NEGR1: variants seen among roughly 807,000 people sequenced by gnomAD.
NEGR1 encodes neuronal growth regulator 1, also known as IgLON family member 4.
Under a neutral mutation model 40.9 loss-of-function variants are expected in NEGR1, and 10 were observed. That is an observed-to-expected ratio of 0.24 (90% CI 0.15 to 0.42). NEGR1 has a LOEUF of 0.42. NEGR1 is among the 10% of genes least tolerant of loss of function. NEGR1 has a pLI of 1.00. For missense variants in NEGR1, 352 were observed against 438.9 expected, an observed-to-expected ratio of 0.80 and a Z score of 1.77; for synonymous variants, 185 against 166.8, an observed-to-expected ratio of 1.11 and a Z score of -0.84.
At chr1:71,607,243 C>A (rs1456158323) in intron 5 of NEGR1, among the ~76,000 whole-genome samples, 2 of 152,182 alleles carry the variant, frequency 1.3e-5, no homozygotes, top group East Asian at 3.9e-4. Flanking sequence ...TTCCTCTTGA[C>A]TCCATTTTTC....
chr1:71,982,579 A>T (rs555322568), intron 1 of NEGR1, among the ~76,000 whole-genome samples: 1 of 152,310 alleles, frequency 6.6e-6, no homozygotes, highest in South Asian at 2.1e-4. Context: ...TCCTTCAAAC[A>T]ATTCCACAAT....
intron 3 of NEGR1, among the ~76,000 whole-genome samples, chr1:71,740,154 G>C (rs17091699): frequency 0.019 from 2,922 of 152,198 alleles, 79 homozygotes; most frequent in African/African-American, 0.066. Context: ...CTACAACATA[G>C]CTGTTTATAT....
intron 3 of NEGR1, among the ~76,000 whole-genome samples, chr1:71,761,564 T>C (rs184616651): frequency 2.1e-4 from 32 of 152,270 alleles, no homozygotes; most frequent in African/African-American, 5.8e-4. Flanking sequence ...GTGAAAAACA[T>C]AGAAAATACT....
At chr1:72,177,901 G>A (rs1170799999) in intron 1 of NEGR1, among the ~76,000 whole-genome samples, 4 of 151,880 alleles carry the variant, frequency 2.6e-5, no homozygotes, top group African/African-American at 9.7e-5. Flanking sequence ...CCATTGAGAA[G>A]AGCAGAATGA....
At chr1:71,460,100 T>C (rs969258437) in intron 6 of NEGR1, among the ~76,000 whole-genome samples, 1 of 152,244 alleles carries the variant, frequency 6.6e-6, no homozygotes, top group African/African-American at 2.4e-5. Context: ...ACAGAATTGG[T>C]ATTATAGTAG....
chr1:71,725,977 A>G (rs1225417805), intron 3 of NEGR1, among the ~76,000 whole-genome samples: 10 of 152,158 alleles, frequency 6.6e-5, no homozygotes, highest in East Asian at 1.9e-4. Context: ...CAAAAATGCC[A>G]TCCTCAACAA....
chr1:71,922,088 C>A (rs1436949189), intron 2 of NEGR1, among the ~76,000 whole-genome samples: 1 of 152,090 alleles, frequency 6.6e-6, no homozygotes, highest in African/African-American at 2.4e-5. Flanking sequence ...CTGCCAGAGC[C>A]CACAGGTCAG....
chr1:71,535,092 T>C (rs1347843015), intron 6 of NEGR1, among the ~76,000 whole-genome samples: 1 of 151,664 alleles, frequency 6.6e-6, no homozygotes, highest in African/African-American at 2.4e-5. Flanking sequence ...GAGTATGCAC[T>C]CAAATGAAAA....
intron 6 of NEGR1, chr1:71,468,437 TA>T (rs1437322883): frequency 1.3e-5 from 2 of 152,036 alleles, no homozygotes; most frequent in African/African-American, 4.8e-5. Context: ...CATTAATTAC[TA>T]ATGATGGAGC....
At chr1:71,735,105 T>C (rs963770316) in intron 3 of NEGR1, among the ~76,000 whole-genome samples, 9 of 152,142 alleles carry the variant, frequency 5.9e-5, no homozygotes, top group Non-Finnish European at 1.0e-4. Context: ...ACCAGTTACA[T>C]CAACATGTTC....
intron 1 of NEGR1, among the ~76,000 whole-genome samples, chr1:71,940,294 T>G (rs926090039): frequency 1.3e-5 from 2 of 152,180 alleles, no homozygotes; most frequent in African/African-American, 4.8e-5. Flanking sequence ...CTTTCCTTGA[T>G]AGTGGTTTTT....
intron 1 of NEGR1, among the ~76,000 whole-genome samples, chr1:72,045,584 T>A (rs1039694357): frequency 2.6e-5 from 4 of 151,780 alleles, no homozygotes; most frequent in Admixed American, 1.3e-4. Flanking sequence ...GTGCCATCCA[T>A]ATAAGATGTG....
At chr1:71,705,854 A>G (rs1457525830) in intron 3 of NEGR1, among the ~76,000 whole-genome samples, 1 of 151,918 alleles carries the variant, frequency 6.6e-6, no homozygotes, top group Non-Finnish European at 1.5e-5. Context: ...GAAGGAAGGA[A>G]GAGAGGAAGG....
intron 2 of NEGR1, among the ~76,000 whole-genome samples, chr1:71,898,512 G>T (rs1394098510): frequency 1.3e-5 from 2 of 152,136 alleles, no homozygotes; most frequent in Non-Finnish European, 2.9e-5. Flanking sequence ...CTACTCAGGA[G>T]GCTGAGGCAG....
intron 3 of NEGR1, among the ~76,000 whole-genome samples, chr1:71,709,274 A>G (rs74585863): frequency 0.02 from 3,076 of 152,230 alleles, 44 homozygotes; most frequent in Middle Eastern, 0.031. Flanking sequence ...TGTGGAGAAA[A>G]GCATTCCTTT....
chr1:71,497,810 T>G (rs961849681), intron 6 of NEGR1, among the ~76,000 whole-genome samples: 1 of 152,138 alleles, frequency 6.6e-6, no homozygotes, highest in Non-Finnish European at 1.5e-5. Context: ...ACCTAACACT[T>G]GTGTTTTCTG....
At chr1:71,910,691 G>GGTTTTT (rs200469037) in intron 2 of NEGR1, among the ~76,000 whole-genome samples, 10 of 152,082 alleles carry the variant, frequency 6.6e-5, no homozygotes, top group South Asian at 2.1e-4. Context: ...TAGAGCCTTA[G>GGTTTTT]GTTTTTGTTT....
At chr1:72,204,917 C>G (rs1200102925) in intron 1 of NEGR1, among the ~76,000 whole-genome samples, 1 of 152,004 alleles carries the variant, frequency 6.6e-6, no homozygotes, top group Non-Finnish European at 1.5e-5. Context: ...ATCTAAATCA[C>G]ATTGTTAGAT....
chr1:72,088,672 C>A (rs941604207), intron 1 of NEGR1, among the ~76,000 whole-genome samples: 1 of 151,800 alleles, frequency 6.6e-6, no homozygotes, highest in East Asian at 1.9e-4. Flanking sequence ...AACACTAAAT[C>A]GTACCTTCGA....
Sources: gnomAD v4.1 joint callset for allele counts (sites outside exome capture counted in the v4.1 genomes callset) on GRCh38, gnomAD v4.1.1 for gene constraint, MANE v1.5 for transcripts, NCBI Gene and HGNC (gene_info 2026-07-23, HGNC 2026-07-21) for gene names.